PRKCA: variants seen among roughly 807,000 people sequenced by gnomAD.
PRKCA encodes protein kinase C alpha.
A neutral mutation model predicts 87.0 loss-of-function variants in PRKCA; 27 were observed. That is an observed-to-expected ratio of 0.31 (90% CI 0.23 to 0.43). The LOEUF is 0.43. PRKCA is among the 20% of genes least tolerant of loss of function. The probability of loss-of-function intolerance (pLI) is 1.00; values close to 1 mark genes in which losing one functional copy is unlikely to be tolerated. For synonymous variants in PRKCA, 329 were observed against 311.1 expected, an observed-to-expected ratio of 1.06 and a Z score of -0.61; for missense variants, 518 against 852.3, an observed-to-expected ratio of 0.61 and a Z score of 4.88.
intron 2 of PRKCA, among the ~76,000 whole-genome samples, chr17:66,465,022 T>G (rs1215798123): frequency 1.3e-5 from 2 of 152,224 alleles, no homozygotes; most frequent in Non-Finnish European, 2.9e-5. Context: ...TTTAATTAAA[T>G]ACAAAGGGAT....
At chr17:66,584,431 G>A (rs1969534098) in intron 3 of PRKCA, among the ~76,000 whole-genome samples, 1 of 152,074 alleles carries the variant, frequency 6.6e-6, no homozygotes. Context: ...TCACCGTATT[G>A]ATCAGGCTGG....
chr17:66,660,864 G>A (rs4493096), intron 5 of PRKCA, among the ~76,000 whole-genome samples: 5,956 of 152,028 alleles, frequency 0.039, 396 homozygotes, highest in African/African-American at 0.14. Flanking sequence ...AGCCGAGATC[G>A]CACCACTGCA....
intron 13 of PRKCA, among the ~76,000 whole-genome samples, chr17:66,748,494 C>T (rs1372320760): frequency 2.0e-5 from 3 of 152,080 alleles, no homozygotes; most frequent in African/African-American, 4.8e-5. Context: ...ACTAGACAGC[C>T]GTCTCGTTCT....
At chr17:66,713,049 C>CT (rs564655403) in intron 8 of PRKCA, among the ~76,000 whole-genome samples, 7,813 of 104,036 alleles carry the variant, frequency 0.075, 605 homozygotes, top group Middle Eastern at 0.14. Flanking sequence ...CTTTGTTGTC[C>CT]TTTTTTTTTT....
intron 2 of PRKCA, among the ~76,000 whole-genome samples, chr17:66,363,638 C>T (rs886741243): frequency 6.6e-6 from 1 of 152,248 alleles, no homozygotes; most frequent in Non-Finnish European, 1.5e-5. Flanking sequence ...CTTCCATGTG[C>T]TCTGCACTGT....
At chr17:66,441,806 C>G (rs1366853603) in intron 2 of PRKCA, among the ~76,000 whole-genome samples, 1 of 152,080 alleles carries the variant, frequency 6.6e-6, no homozygotes, top group Admixed American at 6.5e-5. Context: ...CTTAGACCTT[C>G]TGAAAGCTAT....
At chr17:66,727,597 T>C (rs1973788155) in intron 8 of PRKCA, among the ~76,000 whole-genome samples, 1 of 150,010 alleles carries the variant, frequency 6.7e-6, no homozygotes, top group African/African-American at 2.5e-5. Flanking sequence ...TATTTCAACA[T>C]TTTTTTTTCT....
chr17:66,401,890 C>T (rs1911057238), intron 2 of PRKCA, among the ~76,000 whole-genome samples: 1 of 152,142 alleles, frequency 6.6e-6, no homozygotes, highest in African/African-American at 2.4e-5. Context: ...GTAGAAGACA[C>T]AAATGGTGAT....
At chr17:66,619,835 G>T (rs987645348) in intron 3 of PRKCA, among the ~76,000 whole-genome samples, 1 of 152,194 alleles carries the variant, frequency 6.6e-6, no homozygotes, top group African/African-American at 2.4e-5. Flanking sequence ...CCTGTGTCAT[G>T]TCCAGAAGAC....
At chr17:66,783,846 G>A (rs1321344979) in intron 14 of PRKCA, among the ~76,000 whole-genome samples, 1 of 152,196 alleles carries the variant, frequency 6.6e-6, no homozygotes, top group Non-Finnish European at 1.5e-5. Context: ...CACCTCCAGA[G>A]AGGCTGATTG....
chr17:66,631,065 CT>C (rs1970998508), intron 3 of PRKCA, among the ~76,000 whole-genome samples: 1 of 152,120 alleles, frequency 6.6e-6, no homozygotes. Context: ...TCTGCCATTT[CT>C]TTTTTTCCTC....
intron 5 of PRKCA, among the ~76,000 whole-genome samples, chr17:66,654,809 G>A (rs1246409965): frequency 6.6e-6 from 1 of 152,234 alleles, no homozygotes; most frequent in Admixed American, 6.5e-5. Flanking sequence ...AATGGCAGCA[G>A]GGAATCTGGG....
intron 2 of PRKCA, among the ~76,000 whole-genome samples, chr17:66,484,679 C>T (rs116288184): frequency 0.013 from 1,986 of 152,228 alleles, 48 homozygotes; most frequent in African/African-American, 0.046. Context: ...TTTCATATAT[C>T]TGGAAAAGCA....
At position 66,783,385 on chromosome 17, in the gene PRKCA, A is replaced by C. The variant is rs376088390; in HGVS notation, c.1606-3482A>C. ...AAACTTGGACCCAGGAAGATGCTGT[A>C]GGATTAATGTTCTAAGGAATATTCT... On this transcript the variant is annotated intron_variant, in intron 14 of 16. Coordinates refer to ENST00000413366, the MANE Select transcript of PRKCA (RefSeq NM_002737.3). 2.6e-5 allele frequency among the ~76,000 whole-genome samples: 4 copies of C among 152,226 alleles called. No individual in the cohort carries two copies. The East Asian group carries it at 7.7e-4, about 29-fold the overall frequency.
At chr17:66,796,080 G>C (rs981343854) in intron 16 of PRKCA, among the ~76,000 whole-genome samples, 1 of 152,202 alleles carries the variant, frequency 6.6e-6, no homozygotes, top group Admixed American at 6.5e-5. Flanking sequence ...GGCAGGAGGT[G>C]AAAGGGGTCC....
intron 3 of PRKCA, among the ~76,000 whole-genome samples, chr17:66,506,318 T>G (rs1157527213): frequency 4.0e-5 from 6 of 151,862 alleles, no homozygotes; most frequent in Non-Finnish European, 1.5e-5. Flanking sequence ...ATTATTTACT[T>G]GGGATCTGGC....
intron 2 of PRKCA, among the ~76,000 whole-genome samples, chr17:66,378,715 A>G (rs893229082): frequency 2.0e-5 from 3 of 152,108 alleles, no homozygotes; most frequent in Non-Finnish European, 4.4e-5. Flanking sequence ...CCTGTCCAAC[A>G]TGGTGTGAAA....
intron 2 of PRKCA, among the ~76,000 whole-genome samples, chr17:66,319,780 C>T (rs571651655): frequency 1.6e-4 from 24 of 151,594 alleles, no homozygotes; most frequent in African/African-American, 5.3e-4. Context: ...CTTGCTCTGT[C>T]GCTCAAGGTG....
At chr17:66,748,491 A>G (rs1244900724) in intron 13 of PRKCA, among the ~76,000 whole-genome samples, 1 of 152,168 alleles carries the variant, frequency 6.6e-6, no homozygotes, top group Non-Finnish European at 1.5e-5. Flanking sequence ...AGCACTAGAC[A>G]GCCGTCTCGT....
Sources: gnomAD v4.1 joint callset for allele counts (sites outside exome capture counted in the v4.1 genomes callset) on GRCh38, gnomAD v4.1.1 for gene constraint, MANE v1.5 for transcripts, NCBI Gene and HGNC (gene_info 2026-07-23, HGNC 2026-07-21) for gene names.